CMIP: variants seen among roughly 807,000 people sequenced by gnomAD.
CMIP encodes c-Maf inducing protein, also known as C-Maf-inducing protein.
A neutral mutation model predicts 97.3 loss-of-function variants in CMIP; 13 were observed. That is an observed-to-expected ratio of 0.13 (90% CI 0.09 to 0.21). The LOEUF (loss-of-function observed/expected upper bound fraction) is 0.21. CMIP is among the 10% of genes least tolerant of loss of function. The pLI, the probability that CMIP is intolerant of heterozygous loss-of-function variation, is 1.00. For missense variants in CMIP, 847 were observed against 1,024.9 expected, an observed-to-expected ratio of 0.83 and a Z score of 2.37; for synonymous variants, 538 against 436.3, an observed-to-expected ratio of 1.23 and a Z score of -2.91.
Position 81,620,921 on chromosome 16 carries a change from T to G in CMIP, c.472T>G (p.Trp158Gly). ...LRDQWFHSLQ[W>G]KKKIYKYKKV... The stretch of plus-strand genomic sequence containing the variant: ...AGACCAGTGGTTCCATTCTCTGCAA[T>G]GGAAGGTAAGTACTGACTCGGTTGC... The change falls in exon 3 of 21, where the codon TGG (tryptophan) becomes GGG (glycine). Residue 158 changes from tryptophan (W) to glycine (G), a missense_variant. By Grantham distance (184) the Trp-to-Gly change is radical (BLOSUM62 -2). Coordinates refer to ENST00000537098, the MANE Select transcript of CMIP (RefSeq NM_198390.3). 1 of 1,613,950 alleles carries G rather than the reference T, an allele frequency of 6.2e-7. No individual in the cohort carries two copies. Among genetic ancestry groups the G allele is most frequent in the Non-Finnish European group, 8.5e-7 (1 of 1,179,862 alleles).
intron 1 of CMIP, among the ~76,000 whole-genome samples, chr16:81,451,968 G>A (rs1198417258): frequency 6.6e-6 from 1 of 152,206 alleles, no homozygotes; most frequent in East Asian, 1.9e-4. Flanking sequence ...AGGAAGCTTC[G>A]CTTACATCAG....
intron 3 of CMIP, among the ~76,000 whole-genome samples, chr16:81,623,866 G>A (rs2092024123): frequency 6.6e-6 from 1 of 152,112 alleles, no homozygotes; most frequent in South Asian, 2.1e-4. Context: ...GCAGGTAATA[G>A]AACCAAGGCT....
At chr16:81,615,107 G>T (rs1025008595) in intron 2 of CMIP, among the ~76,000 whole-genome samples, 7 of 149,330 alleles carry the variant, frequency 4.7e-5, no homozygotes, top group Non-Finnish European at 8.9e-5. Context: ...AGGTGTGTAT[G>T]GTATGTGTCT....
chr16:81,559,376 C>G (rs2090832258), intron 1 of CMIP, among the ~76,000 whole-genome samples: 1 of 152,196 alleles, frequency 6.6e-6, no homozygotes, highest in South Asian at 2.1e-4. Context: ...TTGAAAGCCT[C>G]TTGTGTTTCT....
At chr16:81,542,262 A>G (rs1393936124) in intron 1 of CMIP, among the ~76,000 whole-genome samples, 3 of 152,196 alleles carry the variant, frequency 2.0e-5, no homozygotes, top group Non-Finnish European at 4.4e-5. Flanking sequence ...ATGGGAGCCA[A>G]GTCTTTTACC....
At chr16:81,452,885 G>GCTT (rs1567523000) in intron 1 of CMIP, among the ~76,000 whole-genome samples, 1 of 129,242 alleles carries the variant, frequency 7.7e-6, no homozygotes, top group African/African-American at 2.9e-5. Context: ...TTTTTGTTTT[G>GCTT]TTTTTTTTTT....
At chr16:81,494,394 G>A (rs2089454059) in intron 1 of CMIP, among the ~76,000 whole-genome samples, 2 of 152,224 alleles carry the variant, frequency 1.3e-5, no homozygotes, top group Admixed American at 1.3e-4. Context: ...CGCAGAGGGT[G>A]GGAAAGAAGG....
At chr16:81,601,303 C>A (rs1467132210) in intron 1 of CMIP, among the ~76,000 whole-genome samples, 2 of 152,274 alleles carry the variant, frequency 1.3e-5, no homozygotes, top group Middle Eastern at 6.8e-3. Flanking sequence ...GAGGAATCCC[C>A]ATGGAAACCA....
At chr16:81,643,740 C>T (rs1307602804) in intron 3 of CMIP, among the ~76,000 whole-genome samples, 3 of 152,090 alleles carry the variant, frequency 2.0e-5, no homozygotes, top group Non-Finnish European at 4.4e-5. Context: ...TGCAGTGAGC[C>T]GAGGTCATGC....
At chr16:81,531,382 C>T (rs1375936380) in intron 1 of CMIP, among the ~76,000 whole-genome samples, 2 of 152,244 alleles carry the variant, frequency 1.3e-5, no homozygotes, top group African/African-American at 4.8e-5. Flanking sequence ...TTAGGACTCT[C>T]AGCCTCCAGA....
At chr16:81,675,514 C>G (rs778965744) in intron 9 of CMIP, among the ~76,000 whole-genome samples, 1 of 152,032 alleles carries the variant, frequency 6.6e-6, no homozygotes, top group Non-Finnish European at 1.5e-5. Context: ...CCACCATGCC[C>G]GTGTACAATG....
intron 1 of CMIP, among the ~76,000 whole-genome samples, chr16:81,606,610 A>G (rs1392973458): frequency 1.3e-5 from 2 of 152,096 alleles, no homozygotes; most frequent in East Asian, 3.9e-4. Context: ...TTTTCAACAC[A>G]TGCTATTGAG....
At chr16:81,635,022 G>A (rs1044532744) in intron 3 of CMIP, among the ~76,000 whole-genome samples, 9 of 152,122 alleles carry the variant, frequency 5.9e-5, no homozygotes, top group Admixed American at 2.6e-4. Context: ...ACTGTATTTC[G>A]GAAGGGCTAG....
chr16:81,449,705 G>A (rs908588148), intron 1 of CMIP, among the ~76,000 whole-genome samples: 3 of 151,176 alleles, frequency 2.0e-5, no homozygotes, highest in African/African-American at 7.3e-5. Context: ...GTCATAGGAG[G>A]ATTTTGGAGT....
Position 81,691,935 on chromosome 16 carries a change from G to A in CMIP, c.1454+95G>A, listed in dbSNP as rs59047911. 3.0e-3 allele frequency: 3,269 copies of A among 1,104,370 alleles called. 52 individuals are homozygous for A. In the African/African-American group the frequency reaches 0.044, roughly 15 times the overall value. 68.4% of individuals were successfully genotyped at this position (1,104,370 alleles called of 1,614,324 possible). ...AGTGGGGGGCCAGTCATGTTATGGG[G>A]AAGCGAAGTCACAGCGGGAAGACCC... is the stretch of plus-strand genomic sequence containing the variant. On this transcript the variant is annotated intron_variant, in intron 11 of 20. Transcript: ENST00000537098.
In CMIP at chr16:81,607,660, C is replaced by G. The variant is rs2091766950; in HGVS notation, c.394C>G (p.Leu132Val). ...WENAPKYCLQLTIPGGTVLLQ... is the reference protein window; with the variant it reads ...WENAPKYCLQVTIPGGTVLLQ... Reference sequence around the variant, plus strand: ...GAATGCCCCGAAGTACTGTTTACAGCTCACGATTCCTGGGGGAACTGTCTT... The same window carrying G: ...GAATGCCCCGAAGTACTGTTTACAGGTCACGATTCCTGGGGGAACTGTCTT... The change falls in exon 2 of 21, where the codon CTC becomes GTC. Residue 132 changes from leucine (L) to valine (V), a missense_variant. Physicochemically the swap from Leu to Val is conservative, Grantham distance 32. Transcript: ENST00000537098. 6.2e-7 allele frequency: 1 copy of G among 1,613,918 alleles called. No homozygotes were observed.
chr16:81,465,925 C>T (rs1009169870), intron 1 of CMIP, among the ~76,000 whole-genome samples: 1 of 152,258 alleles, frequency 6.6e-6, no homozygotes, highest in African/African-American at 2.4e-5. Flanking sequence ...ACCTTCGTTC[C>T]AGTCGGGGAG....
chr16:81,498,025 T>A (rs989752519), intron 1 of CMIP, among the ~76,000 whole-genome samples: 1 of 152,270 alleles, frequency 6.6e-6, no homozygotes, highest in African/African-American at 2.4e-5. Context: ...TTTGTTGGTC[T>A]GTTCATTCAT....
chr16:81,685,711 CTT>C (rs572591775), intron 10 of CMIP, among the ~76,000 whole-genome samples: 62 of 135,110 alleles, frequency 4.6e-4, no homozygotes, highest in African/African-American at 1.1e-3. Flanking sequence ...GCCTGGCTTA[CTT>C]TTTTTTTTTT....
Sources: allele counts gnomAD v4.1 joint callset (sites outside exome capture counted in the v4.1 genomes callset), GRCh38; gene constraint gnomAD v4.1.1; transcripts MANE v1.5; gene names NCBI Gene and HGNC (gene_info 2026-07-23, HGNC 2026-07-21).